The following LYVE1 variants were observed in gnomAD, a reference collection of about 807,000 sequenced individuals.
LYVE1 encodes the protein lymphatic vessel endothelial hyaluronan receptor 1.
Under a neutral mutation model 31.5 loss-of-function variants are expected in LYVE1, and 29 were observed. The observed-to-expected ratio is 0.92, with a 90% CI of 0.69 to 1.26. The LOEUF is 1.26. LYVE1 is among the 50% of genes most tolerant of loss of function. The pLI is 0.00. For synonymous variants in LYVE1, 134 were observed against 139.4 expected (o/e 0.96, Z 0.27); for missense variants, 376 against 380.2 (o/e 0.99, Z 0.09).
At chr11:10,562,656 T>A (rs1850452159) in intron 3 of LYVE1, among the ~76,000 whole-genome samples, 1 of 152,064 alleles carries the variant, frequency 6.6e-6, no homozygotes, top group Non-Finnish European at 1.5e-5. Context: ...AGCAAGTGAG[T>A]ATTTAGTAAA....
intron 1 of LYVE1, among the ~76,000 whole-genome samples, chr11:10,567,648 G>C (rs1850568452): frequency 6.6e-6 from 1 of 152,196 alleles, no homozygotes; most frequent in Non-Finnish European, 1.5e-5. Flanking sequence ...GAGCTGCAAT[G>C]AGTGATTTGT....
Position 10,560,809 on chromosome 11 carries a change from A to T in LYVE1, c.398-9T>A, listed in dbSNP as rs1487787843. The T allele has an allele frequency of 6.3e-7, 1 of 1,594,882 alleles. No individual in the cohort carries two copies. The highest frequency in any genetic ancestry group is 1.1e-5 in the South Asian group (1 of 89,462). ...CGAGTTAGTCCAAGTATCTGTTGGG[A>T]TAGGGAAACATGGAATAAAAGTATT... On this transcript the variant is annotated splice_polypyrimidine_tract_variant and intron_variant, in intron 3 of 5. Transcript: ENST00000256178.
chr11:10,563,343 T>C (rs1012192447), intron 3 of LYVE1, among the ~76,000 whole-genome samples: 1 of 152,118 alleles, frequency 6.6e-6, no homozygotes, highest in African/African-American at 2.4e-5. Context: ...CAACCTTGGA[T>C]TGAAAATATT....
chr11:10,564,059 C>T lies in LYVE1; in HGVS notation c.278G>A (p.Gly93Glu), dbSNP rs1357584471. The T allele has an allele frequency of 1.2e-6, 2 of 1,614,218 alleles. No individual in the cohort carries two copies. The highest frequency in any genetic ancestry group is 1.1e-5 in the South Asian group (1 of 91,084). The change falls in exon 3 of 6, where the codon GGA becomes GAA. Residue 93 changes from glycine to glutamate, a missense_variant. Gly to Glu is a moderately conservative substitution (Grantham distance 98, BLOSUM62 -2). Transcript: ENST00000256178. ...GCTAATCCTAGAGATGACCACGAATCCATCTCCAACCCAGCCATAGCTGTA... is the reference window on the plus strand; with the variant it reads ...GCTAATCCTAGAGATGACCACGAATTCATCTCCAACCCAGCCATAGCTGTA... The part of the protein sequence containing the change: ...ETCSYGWVGD[G>E]FVVISRISPN...
chr11:10,565,250 T>C (rs1277369313), intron 1 of LYVE1, among the ~76,000 whole-genome samples: 1 of 152,222 alleles, frequency 6.6e-6, no homozygotes, highest in African/African-American at 2.4e-5. Context: ...CTGCTAATGA[T>C]TGATTACCCC....
In LYVE1 at chr11:10,568,508, A is replaced by G; in HGVS notation, c.25T>C (p.Leu9=). ...GTGGTCCAGATGGAAGTGAGAAGCA[A>G]CACCAGGCTGAAGCACCTGGCCATC... is the stretch of plus-strand genomic sequence containing the variant. MARCFSLV[L]LLTSIWTTRL... is the part of the protein sequence containing the mutation. Residue 9 remains leucine, a synonymous_variant, in exon 1 of 6, where the codon TTG becomes CTG. Coordinates refer to ENST00000256178, the MANE Select transcript of LYVE1 (RefSeq NM_006691.4). 2 of 1,613,978 alleles carry G rather than the reference A, an allele frequency of 1.2e-6. No individual in the cohort carries two copies. The highest frequency in any genetic ancestry group is 1.7e-6 in the Non-Finnish European group (2 of 1,179,928).
intron 1 of LYVE1, among the ~76,000 whole-genome samples, chr11:10,565,643 T>G (rs777542009): frequency 3.2e-4 from 49 of 151,884 alleles, no homozygotes; most frequent in Non-Finnish European, 5.7e-4. Flanking sequence ...TTATGCCTGA[T>G]TCTAAAACCC....
Position 10,557,428 on chromosome 11 carries a change from A to G in LYVE1, c.*1683T>C, listed in dbSNP as rs1850337279. The G allele has an allele frequency of 6.6e-6, 1 of 152,228 alleles. No homozygotes were observed. 9.4% of individuals were successfully genotyped at this position (152,228 alleles called of 1,614,324 possible). On this transcript the variant is annotated 3_prime_UTR_variant, in exon 6 of 6. Transcript: ENST00000256178. Reference sequence around the variant, plus strand: ...TTTTAAGATTATACTCCGTGGGCCAACCGGAAAAGATTATGCCAGCAGGTT... The same window carrying G: ...TTTTAAGATTATACTCCGTGGGCCAGCCGGAAAAGATTATGCCAGCAGGTT...
intron 3 of LYVE1, among the ~76,000 whole-genome samples, chr11:10,562,863 C>T (rs1235980982): frequency 1.4e-5 from 2 of 147,748 alleles, no homozygotes; most frequent in Non-Finnish European, 1.5e-5. Flanking sequence ...GGAAAGAGTG[C>T]GGTTTCAGAG....
chr11:10,566,038 G>A (rs891003233), intron 1 of LYVE1, among the ~76,000 whole-genome samples: 6 of 152,078 alleles, frequency 3.9e-5, no homozygotes, highest in Non-Finnish European at 7.4e-5. Context: ...TTGAACTGCC[G>A]ACCTCAGGTG....
At chr11:10,566,870 G>A (rs1255708615) in intron 1 of LYVE1, among the ~76,000 whole-genome samples, 2 of 152,122 alleles carry the variant, frequency 1.3e-5, no homozygotes, top group Non-Finnish European at 2.9e-5. Context: ...GGGCCCAGTA[G>A]GAAGTCAACA....
In LYVE1 at chr11:10,560,812, G is replaced by A; in HGVS notation, c.398-12C>T. 6.3e-7 allele frequency: 1 copy of A among 1,592,072 alleles called. No individual in the cohort carries two copies. Among genetic ancestry groups the A allele is most frequent in the Non-Finnish European group, 8.6e-7 (1 of 1,164,582 alleles). On this transcript the variant is annotated splice_polypyrimidine_tract_variant and intron_variant, in intron 3 of 5. Transcript: ENST00000256178. ...GTTAGTCCAAGTATCTGTTGGGATA[G>A]GGAAACATGGAATAAAAGTATTGCA...
At chr11:10,559,656 A>G (rs1202601639) in intron 5 of LYVE1, among the ~76,000 whole-genome samples, 160 bp downstream of exon 5, 2 of 152,212 alleles carry the variant, frequency 1.3e-5, no homozygotes, top group Admixed American at 1.3e-4. Flanking sequence ...TGAAATAGAA[A>G]AGATTGGGCT....
rs1386492796 is a variant in LYVE1 at position 10,564,217 on chromosome 11, G to C, written c.243C>G (p.Ser81Arg). The C allele has an allele frequency of 1.9e-6, 3 of 1,613,968 alleles. No homozygotes were observed. In the African/African-American group the frequency reaches 4.0e-5, roughly 22 times the overall value. ...KDQVETALKA[S>R]FETCSYGWVG... Reference sequence around the variant, plus strand: ...CTTTTTCTCACCTGCAAGTTTCAAAGCTAGCTTTCAAGGCTGTTTCAACTT... The same window carrying C: ...CTTTTTCTCACCTGCAAGTTTCAAACCTAGCTTTCAAGGCTGTTTCAACTT... The change falls in exon 2 of 6, where the codon AGC (serine) becomes AGG (arginine). Residue 81 changes from serine (S) to arginine (R), a missense_variant. Transcript: ENST00000256178.
rs561291629 is a variant in LYVE1, at chr11:10,563,054, T to C, written c.397+886A>G. 5.7e-4 allele frequency among the ~76,000 whole-genome samples: 83 copies of C among 144,728 alleles called. No individual in the cohort carries two copies. In the East Asian group the frequency reaches 0.017, roughly 31 times the overall value. The allele number at this position is 144,728 out of a possible 152,430, so 94.9% of individuals were successfully genotyped here. ...CTGCAAGCTCCGCCTCCTGGGTTCA[T>C]GCCATTCTCCTGCCTCAGCCTCCCG... On this transcript the variant is annotated intron_variant, in intron 3 of 5. Transcript: ENST00000256178.
Position 10,564,304 on chromosome 11 carries a change from C to T in LYVE1, c.156G>A (p.Leu52=). 6.2e-7 allele frequency: 1 copy of T among 1,614,196 alleles called. No individual in the cohort carries two copies. Among genetic ancestry groups the T allele is most frequent in the South Asian group, 1.1e-5 (1 of 91,080 alleles). ...TLVSKKANQQ[L]NFTEAKEACR... is the part of the protein sequence containing the mutation. ...AGGCCTCCTTAGCTTCTGTGAAATT[C>T]AGCTGCTGGTTCGCCTTTTTGCTCA... is the stretch of plus-strand genomic sequence containing the variant. The change falls in exon 2 of 6, where the codon CTG becomes CTA. Residue 52 remains leucine, a synonymous_variant. Coordinates refer to ENST00000256178, the MANE Select transcript of LYVE1 (RefSeq NM_006691.4).
At chr11:10,564,122 A>G in intron 2 of LYVE1, 43 bp from the exon 3 acceptor site, 1 of 1,614,122 alleles carries the variant, frequency 6.2e-7, no homozygotes, top group South Asian at 1.1e-5. Flanking sequence ...AATGATTAGA[A>G]GGCTTCATCT....
Position 10,564,055 on chromosome 11 carries a change from G to A in LYVE1, c.282C>T (p.Phe94=), listed in dbSNP as rs140681022. The change falls in exon 3 of 6, where the codon TTC becomes TTT. Residue 94 remains phenylalanine, a synonymous_variant. Coordinates refer to ENST00000256178, the MANE Select transcript of LYVE1 (RefSeq NM_006691.4). ...TTGGGCTAATCCTAGAGATGACCACGAATCCATCTCCAACCCAGCCATAGC... is the reference window on the plus strand; with the variant it reads ...TTGGGCTAATCCTAGAGATGACCACAAATCCATCTCCAACCCAGCCATAGC... ...TCSYGWVGDG[F]VVISRISPNP... The A allele has an allele frequency of 7.1e-5, 115 of 1,614,034 alleles. No individual in the cohort carries two copies. Among genetic ancestry groups the A allele is most frequent in the Middle Eastern group, 1.6e-4 (1 of 6,084 alleles).
Position 10,561,994 on chromosome 11 carries a change from T to G in LYVE1, c.398-1194A>C, listed in dbSNP as rs1850436407. Among the ~76,000 whole-genome samples, 4 of 152,166 alleles carry G rather than the reference T, an allele frequency of 2.6e-5. No individual in the cohort carries two copies. In the South Asian group the frequency reaches 8.3e-4, roughly 32 times the overall value. On this transcript the variant is annotated intron_variant, in intron 3 of 5. Coordinates refer to ENST00000256178, the MANE Select transcript of LYVE1 (RefSeq NM_006691.4). ...TAAAAATAAAATAATAAAATAAAAT[T>G]ATCTCTGGAAAAAAAGAAAAGAAAT...
Sources: allele counts gnomAD v4.1 joint callset (sites outside exome capture counted in the v4.1 genomes callset), GRCh38; gene constraint gnomAD v4.1.1; transcripts MANE v1.5; gene names NCBI Gene and HGNC (gene_info 2026-07-23, HGNC 2026-07-21).